The following COL13A1 variants were observed in gnomAD, a reference collection of about 807,000 sequenced individuals.
COL13A1 encodes the protein collagen type XIII alpha 1 chain, also known as collagen alpha-1(XIII) chain.
A neutral mutation model predicts 130.9 loss-of-function variants in COL13A1; 89 were observed. That is an observed-to-expected ratio of 0.68 (90% CI 0.57 to 0.81). The LOEUF (loss-of-function observed/expected upper bound fraction) is 0.81. Among genes scored for constraint, COL13A1 ranks in the 30% least tolerant of loss-of-function variants. COL13A1 has a pLI of 0.00. For missense variants in COL13A1, 879 were observed against 934.6 expected, an observed-to-expected ratio of 0.94 and a Z score of 0.78; for synonymous variants, 402 against 341.6, an observed-to-expected ratio of 1.18 and a Z score of -1.95.
intron 30 of COL13A1, among the ~76,000 whole-genome samples, chr10:69,932,059 C>T (rs939293454): frequency 2.6e-5 from 4 of 152,086 alleles, no homozygotes; most frequent in African/African-American, 9.7e-5. Context: ...CCCCACCTCC[C>T]GCAGAGTAGA....
intron 17 of COL13A1, among the ~76,000 whole-genome samples, chr10:69,906,039 G>A (rs932127996): frequency 6.6e-6 from 1 of 152,242 alleles, no homozygotes; most frequent in Non-Finnish European, 1.5e-5. Flanking sequence ...GAGCCAGGAT[G>A]TAGGACATGG....
chr10:69,958,515 C>T (rs529522635), intron 40 of COL13A1, among the ~76,000 whole-genome samples, 184 bp from the exon 41 acceptor site: 90 of 152,304 alleles, frequency 5.9e-4, no homozygotes, highest in African/African-American at 2.1e-3. Flanking sequence ...AACTTGGTTT[C>T]CTCCCTTCAG....
rs1046950953 is a variant in COL13A1, at chr10:69,867,550, G to A, written c.365-248G>A. Among the ~76,000 whole-genome samples, 34 of 152,340 alleles carry A rather than the reference G, an allele frequency of 2.2e-4. No homozygotes were observed. In the Middle Eastern group the frequency reaches 0.01, roughly 46 times the overall value. On this transcript the variant is annotated intron_variant, in intron 2 of 40. Coordinates refer to ENST00000645393, the MANE Select transcript of COL13A1 (RefSeq NM_001368882.1). ...GGGAAACTGAGGCAGAAGGGCCACC[G>A]GCAGGTCCCCAGCAGGGCTGAGCCT...
intron 17 of COL13A1, among the ~76,000 whole-genome samples, chr10:69,908,869 G>A (rs2063064659): frequency 6.6e-6 from 1 of 152,176 alleles, no homozygotes; most frequent in South Asian, 2.1e-4. Flanking sequence ...AGTAGAGCAA[G>A]TGCCAATGAA....
chr10:69,807,523 A>G (rs1841907309), intron 1 of COL13A1, among the ~76,000 whole-genome samples: 2 of 152,220 alleles, frequency 1.3e-5, no homozygotes, highest in Admixed American at 1.3e-4. Context: ...AAAGAGATGT[A>G]GGGGACAGAT....
At chr10:69,943,832 C>T (rs940145882) in intron 35 of COL13A1, among the ~76,000 whole-genome samples, 1 of 152,246 alleles carries the variant, frequency 6.6e-6, no homozygotes, top group Non-Finnish European at 1.5e-5. Context: ...CTTCTGGGAG[C>T]AAAACTAAGC....
At chr10:69,812,686 G>C (rs1056920101) in intron 1 of COL13A1, among the ~76,000 whole-genome samples, 1 of 152,198 alleles carries the variant, frequency 6.6e-6, no homozygotes, top group African/African-American at 2.4e-5. Context: ...GAGTGCTGGA[G>C]GAATTAACAT....
At position 69,803,076 on chromosome 10, in the gene COL13A1, G is replaced by T. The variant is rs148344257; in HGVS notation, c.294+359G>T. Among the ~76,000 whole-genome samples, 205 of 152,266 alleles carry T rather than the reference G, an allele frequency of 1.3e-3. 1 individual carries two copies. In the South Asian group the frequency reaches 0.014, roughly 11 times the overall value. On this transcript the variant is annotated intron_variant, in intron 1 of 40. Transcript: ENST00000645393. Reference sequence around the variant, plus strand: ...ACCCGGCCAGGGTGGTGTGACAGCCGCCCCGCGCCCGCGCAGCGGCAAGCG... The same window carrying T: ...ACCCGGCCAGGGTGGTGTGACAGCCTCCCCGCGCCCGCGCAGCGGCAAGCG...
Position 69,836,248 on chromosome 10 carries a change from G to A in COL13A1, c.364+13810G>A, listed in dbSNP as rs867916700. ...GCTGCTGCAGAGACCCAGGGCTCCG[G>A]TGGGGCTAGGCGGTGCCCAGTGTGG... On this transcript the variant is annotated intron_variant, in intron 2 of 40. Transcript: ENST00000645393. 2.8e-4 allele frequency among the ~76,000 whole-genome samples: 42 copies of A among 152,340 alleles called. 1 individual carries two copies. The Middle Eastern group carries it at 0.01, about 37-fold the overall frequency.
chr10:69,839,058 A>G (rs911404671), intron 2 of COL13A1, among the ~76,000 whole-genome samples: 1 of 152,262 alleles, frequency 6.6e-6, no homozygotes, highest in African/African-American at 2.4e-5. Flanking sequence ...GCCTCTGAAC[A>G]GTGTCCACAG....
At chr10:69,809,100 G>A (rs966243593) in intron 1 of COL13A1, among the ~76,000 whole-genome samples, 6 of 152,086 alleles carry the variant, frequency 3.9e-5, no homozygotes, top group Admixed American at 6.5e-5. Flanking sequence ...TTACAGAGTC[G>A]GGGGGTGGCA....
chr10:69,898,666 C>T (rs1174569080), intron 13 of COL13A1, 31 bp from the exon 14 acceptor site: 4 of 1,605,470 alleles, frequency 2.5e-6, no homozygotes, highest in Non-Finnish European at 3.4e-6. Context: ...GGCCTTTGCC[C>T]TCTGGCCCTC....
rs2274183 is a variant in COL13A1, at chr10:69,917,222, A to T, written c.922-67A>T. 227 of 1,595,092 alleles carry T rather than the reference A, an allele frequency of 1.4e-4. 2 individuals are homozygous for T. In the East Asian group the frequency reaches 4.6e-3, roughly 32 times the overall value. On this transcript the variant is annotated intron_variant, in intron 17 of 40. Coordinates refer to ENST00000645393, the MANE Select transcript of COL13A1 (RefSeq NM_001368882.1). ...GCCTCCAGACAAGACATTCTCACCG[A>T]CATCCTTGCAGGCTGACAGGCCCCG...
At chr10:69,886,697 C>T (rs539286382) in intron 7 of COL13A1, among the ~76,000 whole-genome samples, 6 of 152,308 alleles carry the variant, frequency 3.9e-5, no homozygotes, top group African/African-American at 1.4e-4. Flanking sequence ...ACCTGGCCAT[C>T]CCTCCTCAGC....
At chr10:69,895,445 G>A in intron 12 of COL13A1, 105 bp from the exon 13 acceptor site, 4 of 1,226,308 alleles carry the variant, frequency 3.3e-6, no homozygotes, top group East Asian at 2.3e-5. Context: ...GAGGGCTGGT[G>A]AGCGGTGACA....
intron 37 of COL13A1, 143 bp from the exon 38 acceptor site, chr10:69,947,164 T>A: frequency 1.4e-6 from 1 of 729,280 alleles, no homozygotes; most frequent in South Asian, 1.7e-5. Context: ...TGCTTCTCTG[T>A]CCCCTTTCCG....
At chr10:69,892,756 A>G (rs1253547626) in intron 10 of COL13A1, among the ~76,000 whole-genome samples, 1 of 152,232 alleles carries the variant, frequency 6.6e-6, no homozygotes, top group Non-Finnish European at 1.5e-5. Flanking sequence ...CCTCGACATA[A>G]TTAAGAGAAA....
chr10:69,928,175 A>T (rs2065629362), intron 27 of COL13A1, among the ~76,000 whole-genome samples: 1 of 152,206 alleles, frequency 6.6e-6, no homozygotes, highest in South Asian at 2.1e-4. Flanking sequence ...TGAAATAGCT[A>T]TTGGAAATAA....
At chr10:69,903,829 A>G (rs530465209) in intron 15 of COL13A1, among the ~76,000 whole-genome samples, 2 of 152,292 alleles carry the variant, frequency 1.3e-5, no homozygotes, top group South Asian at 4.1e-4. Flanking sequence ...CTGGGCAAGG[A>G]TGTCCCCAAC....
Sources: allele counts gnomAD v4.1 joint callset (sites outside exome capture counted in the v4.1 genomes callset), GRCh38; gene constraint gnomAD v4.1.1; transcripts MANE v1.5; gene names NCBI Gene and HGNC (gene_info 2026-07-23, HGNC 2026-07-21).